Variants in PXN observed in about 807,000 individuals in gnomAD.
The protein encoded by PXN is paxillin.
In PXN, 61 loss-of-function variants were observed where a neutral mutation model predicts 103.6. The observed-to-expected ratio is 0.59, with a 90% CI of 0.48 to 0.73. The LOEUF is 0.73. Ranked by LOEUF, PXN falls within the 30% of genes least tolerant of loss-of-function variation. PXN has a pLI of 0.00. For synonymous variants in PXN, 562 were observed against 607.8 expected, an observed-to-expected ratio of 0.92 and a Z score of 1.11; for missense variants, 1,274 against 1,460.3, an observed-to-expected ratio of 0.87 and a Z score of 2.08.
intron 1 of PXN, among the ~76,000 whole-genome samples, chr12:120,236,442 G>C (rs1387760855): frequency 6.6e-6 from 1 of 151,136 alleles, no homozygotes; most frequent in Non-Finnish European, 1.5e-5. Flanking sequence ...TGAATAGCTG[G>C]AACTATAGGT....
rs754395518 is a variant in PXN at position 120,213,841 on chromosome 12, C to A, written c.2979+1G>T. 6.2e-7 allele frequency: 1 copy of A among 1,609,872 alleles called. No individual in the cohort carries two copies. Among genetic ancestry groups the A allele is most frequent in the Non-Finnish European group, 8.5e-7 (1 of 1,178,208 alleles). ...TCCAGATGTGGTCAGGGGCTCCTTA[C>A]CCGGCACACAAAGCACTCAGGATGC... On this transcript the variant is annotated splice_donor_variant, in intron 14 of 14. Transcript: ENST00000637617. LOFTEE classifies it high-confidence loss of function. The surrounding 1 kb of genome is among the most constrained non-coding windows in gnomAD (Gnocchi z 4.2).
At chr12:120,236,801 G>GTATT (rs933671041) in intron 1 of PXN, among the ~76,000 whole-genome samples, 25 of 151,258 alleles carry the variant, frequency 1.7e-4, no homozygotes, top group East Asian at 7.8e-4. Flanking sequence ...TTTTATTTAT[G>GTATT]TATTTATTTA....
rs1019302142 is a variant in PXN at position 120,215,992 on chromosome 12, C to T, written c.2301+281G>A. 1 of 1,361,842 alleles carries T rather than the reference C, an allele frequency of 7.3e-7. No homozygotes were observed. Among genetic ancestry groups the T allele is most frequent in the Non-Finnish European group, 9.5e-7 (1 of 1,057,858 alleles). The allele number at this position is 1,361,842 out of a possible 1,614,324, so 84.4% of individuals were successfully genotyped here. A position where few individuals can be genotyped will look rare whatever the true frequency, so the allele number is the denominator to read the frequency against. On this transcript the variant is annotated intron_variant, in intron 9 of 14. Coordinates refer to ENST00000637617, the MANE Select transcript of PXN (RefSeq NM_001385981.1). The surrounding 1 kb of genome is among the most constrained non-coding windows in gnomAD (Gnocchi z 4.9). ...GTTTCTGGTCTCCCTTCTGGAGTGG[C>T]TTCTTTCCTCGATGGGAGCCCGGGG...
intron 1 of PXN, among the ~76,000 whole-genome samples, chr12:120,249,347 G>C (rs79323641): frequency 6.6e-6 from 1 of 152,222 alleles, no homozygotes; most frequent in Non-Finnish European, 1.5e-5. Context: ...AGAAAGAATG[G>C]ATCAGTCCAG....
chr12:120,216,038 G>T lies in PXN; in HGVS notation c.2301+235C>A. 1 of 1,328,854 alleles carries T rather than the reference G, an allele frequency of 7.5e-7. No homozygotes were observed. 82.3% of individuals were successfully genotyped at this position (1,328,854 alleles called of 1,614,324 possible). On this transcript the variant is annotated intron_variant, in intron 9 of 14. Transcript: ENST00000637617. This position sits in a 1 kb window ranked among gnomAD's most constrained non-coding sequence, Gnocchi z 5.1. ...CGGGGCAGTACTGAGGACCAGTCGA[G>T]GAAGGAGCAGACATGGGTGGACCCA...
rs1216326395 is a variant in PXN, at chr12:120,215,080, C to T, written c.2574+23G>A. On this transcript the variant is annotated intron_variant, in intron 11 of 14. Transcript: ENST00000637617. The surrounding 1 kb of genome is among the most constrained non-coding windows in gnomAD (Gnocchi z 4.9). ...CCCTGCAGGAGTCCACTGGCCACAC[C>T]CCTGCCCACTCCCCCTCATCACCTG... The T allele has an allele frequency of 3.1e-6, 5 of 1,591,864 alleles. No individual in the cohort carries two copies. The Admixed American group carries it at 5.1e-5, about 16-fold the overall frequency.
At chr12:120,237,217 G>A (rs532325769) in intron 1 of PXN, among the ~76,000 whole-genome samples, 1 of 151,550 alleles carries the variant, frequency 6.6e-6, no homozygotes, top group African/African-American at 2.4e-5. Context: ...GGGGTACAGT[G>A]GCATGATCAC....
At position 120,217,592 on chromosome 12, in the gene PXN, T is replaced by TG. The variant is rs144774631; in HGVS notation, c.1717-477dup. Reference sequence around the variant, plus strand: ...GTGTTTCCTTCCAGGAACTTTTTTTTGGGGGGGGACAGAGTCTCGCTCTGT... The same window carrying TG: ...GTGTTTCCTTCCAGGAACTTTTTTTTGGGGGGGGGACAGAGTCTCGCTCTGT... On this transcript the variant is annotated intron_variant, in intron 7 of 14. Transcript: ENST00000637617. The surrounding 1 kb of genome is among the most constrained non-coding windows in gnomAD (Gnocchi z 4.1). 2.0e-3 allele frequency among the ~76,000 whole-genome samples: 304 copies of TG among 151,480 alleles called. 1 individual carries two copies. The highest frequency in any genetic ancestry group is 6.1e-3 in the African/African-American group (253 of 41,280).
rs974837075 is a variant in PXN at position 120,226,546 on chromosome 12, A to G, written c.14-2169T>C. ...CCTTGTCAAACATTTTGAATCAGGG[A>G]CTCCACCAAACACCCGCTCCACCAC... is the stretch of plus-strand genomic sequence containing the variant. On this transcript the variant is annotated intron_variant, in intron 1 of 14. Transcript: ENST00000637617. 2.9e-5 allele frequency: 35 copies of G among 1,217,966 alleles called. No individual in the cohort carries two copies. In the Admixed American group the frequency reaches 2.9e-4, roughly 10 times the overall value. 75.4% of individuals were successfully genotyped at this position (1,217,966 alleles called of 1,614,324 possible).
Position 120,212,075 on chromosome 12 carries a change from G to C in PXN, c.*239C>G. ...GCCCCCAGCCTCTACCCCTGGGGAG[G>C]ATGGAGAGTGGGCAGCCTAGGGAGA... On this transcript the variant is annotated 3_prime_UTR_variant, in exon 15 of 15. Coordinates refer to ENST00000637617, the MANE Select transcript of PXN (RefSeq NM_001385981.1). The surrounding 1 kb of genome is among the most constrained non-coding windows in gnomAD (Gnocchi z 7.2). 1 of 741,062 alleles carries C rather than the reference G, an allele frequency of 1.3e-6. No homozygotes were observed. The highest frequency in any genetic ancestry group is 1.4e-5 in the South Asian group (1 of 73,656). The allele number at this position is 741,062 out of a possible 1,614,324, so 45.9% of individuals were successfully genotyped here. A position where few individuals can be genotyped will look rare whatever the true frequency, so the allele number is the denominator to read the frequency against.
At position 120,213,946 on chromosome 12, in the gene PXN, A is replaced by G; in HGVS notation, c.2875T>C (p.Phe959Leu). The G allele has an allele frequency of 6.2e-7, 1 of 1,612,648 alleles. No individual in the cohort carries two copies. The highest frequency in any genetic ancestry group is 2.2e-5 in the East Asian group (1 of 44,886). ...CCACACTTGGGTGCGAACATGTCGA[A>G]GTAGTCCTTGCGACAGTAGGCCTTG... Reference protein sequence around the residue: ...DGKAYCRKDYFDMFAPKCGGC... With the variant: ...DGKAYCRKDYLDMFAPKCGGC... The change falls in exon 14 of 15, where the codon TTC becomes CTC. Residue 959 changes from phenylalanine (F) to leucine (L), a missense_variant. Phe to Leu is a conservative substitution (Grantham distance 22). Coordinates refer to ENST00000637617, the MANE Select transcript of PXN (RefSeq NM_001385981.1). This position sits in a 1 kb window ranked among gnomAD's most constrained non-coding sequence, Gnocchi z 4.2.
intron 1 of PXN, among the ~76,000 whole-genome samples, chr12:120,261,153 C>T (rs1893820224): frequency 6.6e-6 from 1 of 152,216 alleles, no homozygotes; most frequent in African/African-American, 2.4e-5. Flanking sequence ...GTGCCCAGCA[C>T]AGTGCCTGCA....
In PXN at chr12:120,216,850, G is replaced by A. The variant is rs759208115; in HGVS notation, c.1983C>T (p.Leu661=). Residue 661 remains leucine (L), a synonymous_variant, in exon 8 of 15, where the codon CTC becomes CTT. Coordinates refer to ENST00000637617, the MANE Select transcript of PXN (RefSeq NM_001385981.1). This position sits in a 1 kb window ranked among gnomAD's most constrained non-coding sequence, Gnocchi z 5.1. The part of the protein sequence containing the change: ...QPRGKRAGGQ[L]VEKVVFPPGS... ...GGCATCTCCTCGCCACCTTCTCTAC[G>A]AGCTGCCCCCCGGCCCGCTTCCCAC... The A allele has an allele frequency of 4.6e-6, 7 of 1,521,446 alleles. No individual in the cohort carries two copies. The highest frequency in any genetic ancestry group is 6.1e-6 in the Non-Finnish European group (7 of 1,145,536). 94.2% of individuals were successfully genotyped at this position (1,521,446 alleles called of 1,614,324 possible). A position where few individuals can be genotyped will look rare whatever the true frequency, so the allele number is the denominator to read the frequency against.
In PXN at chr12:120,265,621, G is replaced by A. The variant is rs1445508483; in HGVS notation, c.9C>T (p.Asp3=). The A allele has an allele frequency of 1.3e-6, 2 of 1,485,740 alleles. No individual in the cohort carries two copies. The highest frequency in any genetic ancestry group is 1.8e-6 in the Non-Finnish European group (2 of 1,123,676). 92.0% of individuals were successfully genotyped at this position (1,485,740 alleles called of 1,614,324 possible). The part of the protein sequence containing the change: MD[D]LDALLADLES... Reference sequence around the variant, plus strand: ...CTCGGCCTCCCGCTCACTCACCGAGGTCGTCCATGGCCGGACCACGGGCGC... The same window carrying A: ...CTCGGCCTCCCGCTCACTCACCGAGATCGTCCATGGCCGGACCACGGGCGC... The change falls in exon 1 of 15, where the codon GAC becomes GAT. Residue 3 remains aspartate, a synonymous_variant. Coordinates refer to ENST00000637617, the MANE Select transcript of PXN (RefSeq NM_001385981.1). This position sits in a 1 kb window ranked among gnomAD's most constrained non-coding sequence, Gnocchi z 5.7.
chr12:120,257,759 G>A (rs1893247676), intron 1 of PXN, among the ~76,000 whole-genome samples: 1 of 152,192 alleles, frequency 6.6e-6, no homozygotes, highest in Non-Finnish European at 1.5e-5. Context: ...GCAAAAGCCT[G>A]GGGACACTCA....
Position 120,215,053 on chromosome 12 carries a change from A to G in PXN, c.2574+50T>C. On this transcript the variant is annotated intron_variant, in intron 11 of 14. Coordinates refer to ENST00000637617, the MANE Select transcript of PXN (RefSeq NM_001385981.1). The surrounding 1 kb of genome is among the most constrained non-coding windows in gnomAD (Gnocchi z 4.9). Reference sequence around the variant, plus strand: ...CCAAGGCCAGCCCCGGAGCACCCCCACCCCTGCAGGAGTCCACTGGCCACA... The same window carrying G: ...CCAAGGCCAGCCCCGGAGCACCCCCGCCCCTGCAGGAGTCCACTGGCCACA... 6.3e-7 allele frequency: 1 copy of G among 1,598,418 alleles called. No homozygotes were observed. Among genetic ancestry groups the G allele is most frequent in the South Asian group, 1.1e-5 (1 of 89,024 alleles).
At chr12:120,244,348 C>G (rs1890669873) in intron 1 of PXN, among the ~76,000 whole-genome samples, 1 of 151,658 alleles carries the variant, frequency 6.6e-6, no homozygotes, top group Non-Finnish European at 1.5e-5. Context: ...CCCATCTCTA[C>G]TAAAAATACA....
In PXN at chr12:120,217,143, C is replaced by T; in HGVS notation, c.1717-27G>A. ...TAGGGGGAGGGGGAGGGGAGGCTGT[C>T]ACCGTCCCACTCCCAGCTTGCACAA... On this transcript the variant is annotated intron_variant, in intron 7 of 14. Coordinates refer to ENST00000637617, the MANE Select transcript of PXN (RefSeq NM_001385981.1). This position sits in a 1 kb window ranked among gnomAD's most constrained non-coding sequence, Gnocchi z 4.1. 1.3e-6 allele frequency: 2 copies of T among 1,527,392 alleles called. No individual in the cohort carries two copies. Among genetic ancestry groups the T allele is most frequent in the Non-Finnish European group, 1.8e-6 (2 of 1,130,402 alleles). The allele number at this position is 1,527,392 out of a possible 1,614,324, so 94.6% of individuals were successfully genotyped here. A position where few individuals can be genotyped will look rare whatever the true frequency, so the allele number is the denominator to read the frequency against.
chr12:120,244,905 G>A (rs1272860766), intron 1 of PXN, among the ~76,000 whole-genome samples: 1 of 151,980 alleles, frequency 6.6e-6, no homozygotes, highest in Non-Finnish European at 1.5e-5. Context: ...AGACTTTGTG[G>A]CTGGAGCATA....
Sources: allele counts gnomAD v4.1 joint callset (sites outside exome capture counted in the v4.1 genomes callset), GRCh38; gene constraint gnomAD v4.1.1; non-coding constraint Gnocchi (gnomAD v3.1); transcripts MANE v1.5; gene names NCBI Gene and HGNC (gene_info 2026-07-23, HGNC 2026-07-21).